The following EDIL3 variants were observed in gnomAD, a reference collection of about 807,000 sequenced individuals.
EDIL3 encodes the protein EGF like and discoidin domains 3.
In EDIL3, 37 loss-of-function variants were observed where a neutral mutation model predicts 67.4. The observed-to-expected ratio is 0.55, with a 90% CI of 0.42 to 0.72. EDIL3 has a LOEUF of 0.72. EDIL3 is among the 30% of genes least tolerant of loss of function. EDIL3 has a pLI of 0.00. For missense variants in EDIL3, 527 were observed against 586.3 expected (o/e 0.90, Z 1.04); for synonymous variants, 195 against 196.3 (o/e 0.99, Z 0.05).
At chr5:84,285,841 T>A (rs559612451) in intron 1 of EDIL3, among the ~76,000 whole-genome samples, 1 of 152,166 alleles carries the variant, frequency 6.6e-6, no homozygotes, top group South Asian at 2.1e-4. Context: ...ATGGTGACTA[T>A]TCTGTCAGTG....
chr5:84,107,956 G>A (rs1176088164), intron 5 of EDIL3, among the ~76,000 whole-genome samples: 3 of 150,628 alleles, frequency 2.0e-5, no homozygotes, highest in Non-Finnish European at 4.4e-5. Context: ...TACGATAATT[G>A]TATTATAAAA....
At chr5:84,335,624 A>G (rs887956075) in intron 1 of EDIL3, among the ~76,000 whole-genome samples, 4 of 152,316 alleles carry the variant, frequency 2.6e-5, no homozygotes, top group African/African-American at 9.6e-5. Flanking sequence ...TGAATAAGCA[A>G]ATGGAGAACC....
chr5:84,073,143 A>G (rs1746773898), intron 6 of EDIL3, among the ~76,000 whole-genome samples: 1 of 152,200 alleles, frequency 6.6e-6, no homozygotes, highest in South Asian at 2.1e-4. Context: ...ACAAAATTCA[A>G]CAACTCTTCA....
At chr5:84,293,096 T>C (rs887758664) in intron 1 of EDIL3, among the ~76,000 whole-genome samples, 2 of 152,178 alleles carry the variant, frequency 1.3e-5, no homozygotes, top group South Asian at 2.1e-4. Context: ...TCCGCTACAT[T>C]CTGTTTGCTT....
intron 9 of EDIL3, among the ~76,000 whole-genome samples, chr5:84,018,728 G>A (rs759427418): frequency 6.6e-5 from 10 of 151,952 alleles, no homozygotes; most frequent in Middle Eastern, 3.2e-3. Context: ...TTGGAATTAC[G>A]AAACACCAAA....
chr5:84,291,394 A>G (rs1022224233), intron 1 of EDIL3, among the ~76,000 whole-genome samples: 2 of 152,166 alleles, frequency 1.3e-5, no homozygotes, highest in Non-Finnish European at 2.9e-5. Context: ...GACAGAGGTT[A>G]TCAGATTGAA....
intron 1 of EDIL3, among the ~76,000 whole-genome samples, chr5:84,255,778 T>C (rs956301892): frequency 4.6e-5 from 7 of 152,176 alleles, no homozygotes; most frequent in South Asian, 2.1e-4. Context: ...AAACAGTACC[T>C]AAGTGCTGGA....
chr5:83,950,181 C>T lies in EDIL3; in HGVS notation c.1294-6613G>A, dbSNP rs571292372. Among the ~76,000 whole-genome samples, 17 of 151,916 alleles carry T rather than the reference C, an allele frequency of 1.1e-4. No homozygotes were observed. The South Asian group carries it at 3.3e-3, about 30-fold the overall frequency. The stretch of plus-strand genomic sequence containing the variant: ...TGGACTCTGCCCCATATGTCTCTTC[C>T]CTTAGATGATCTGTATCCATATCCT... On this transcript the variant is annotated intron_variant, in intron 10 of 10. Transcript: ENST00000296591.
chr5:84,148,088 T>C (rs1334789280), intron 4 of EDIL3, among the ~76,000 whole-genome samples: 1 of 152,170 alleles, frequency 6.6e-6, no homozygotes, highest in African/African-American at 2.4e-5. Flanking sequence ...CTGTAAGGAT[T>C]CAATGAGGTA....
rs3836849 is a variant in EDIL3 at position 84,190,536 on chromosome 5, CATAT to C, written c.227-10019_227-10016del. On this transcript the variant is annotated intron_variant, in intron 3 of 10. Transcript: ENST00000296591. ...GACAGAGCAGAGACCAGTATTTCTA[CATAT>C]ATATATATATATGTGTGTGTGTGTG... 7.5e-3 allele frequency among the ~76,000 whole-genome samples: 1,013 copies of C among 134,948 alleles called. 14 individuals carry two copies. Among genetic ancestry groups the C allele is most frequent in the East Asian group, 0.048 (221 of 4,594 alleles). The allele number at this position is 134,948 out of a possible 152,430, so 88.5% of individuals were successfully genotyped here.
intron 1 of EDIL3, among the ~76,000 whole-genome samples, chr5:84,309,852 T>C (rs1215437591): frequency 6.6e-6 from 1 of 152,202 alleles, no homozygotes; most frequent in African/African-American, 2.4e-5. Context: ...TTTGGGTATA[T>C]ACCCAGTAAT....
At chr5:84,141,952 G>GATCAATCTATCT (rs71605902) in intron 4 of EDIL3, among the ~76,000 whole-genome samples, 2 of 108,368 alleles carry the variant, frequency 1.8e-5, no homozygotes, top group African/African-American at 7.3e-5. Context: ...TATATACATA[G>GATCAATCTATCT]ATCTATCTAT....
chr5:83,995,308 T>G (rs1745220523), intron 9 of EDIL3, among the ~76,000 whole-genome samples: 1 of 152,122 alleles, frequency 6.6e-6, no homozygotes, highest in African/African-American at 2.4e-5. Context: ...TCATCACATT[T>G]GTACATAAAC....
rs144191927 is a variant in EDIL3 at position 84,138,010 on chromosome 5, C to T, written c.356-656G>A. ...CAAAATCACATGAAACATAAAACAT[C>T]GAGCAAATTATACTACTTTCCTTGC... On this transcript the variant is annotated intron_variant, in intron 4 of 10. Coordinates refer to ENST00000296591, the MANE Select transcript of EDIL3 (RefSeq NM_005711.5). Among the ~76,000 whole-genome samples the T allele has an allele frequency of 2.0e-4, 30 of 152,290 alleles. No homozygotes were observed. In the East Asian group the frequency reaches 3.5e-3, roughly 18 times the overall value.
intron 9 of EDIL3, among the ~76,000 whole-genome samples, chr5:84,015,242 A>G (rs1052324335): frequency 6.6e-6 from 1 of 152,206 alleles, no homozygotes; most frequent in Non-Finnish European, 1.5e-5. Flanking sequence ...AAGAGCAGCT[A>G]TATCACAATA....
chr5:84,103,611 A>G (rs909605295), intron 6 of EDIL3, among the ~76,000 whole-genome samples: 2 of 152,210 alleles, frequency 1.3e-5, no homozygotes, highest in South Asian at 4.1e-4. Flanking sequence ...CAATCATAGG[A>G]AAAAAACCCT....
intron 2 of EDIL3, among the ~76,000 whole-genome samples, chr5:84,237,430 G>T (rs1460808314): frequency 6.6e-6 from 1 of 152,050 alleles, no homozygotes; most frequent in Non-Finnish European, 1.5e-5. Context: ...GTTAAGGTTT[G>T]CATTAGAAAA....
intron 5 of EDIL3, 94 bp from the exon 6 acceptor site, chr5:84,106,924 T>C (rs1290070247): frequency 2.2e-6 from 3 of 1,366,546 alleles, no homozygotes; most frequent in African/African-American, 2.9e-5. Context: ...TTTAAATGAT[T>C]TGAATTTGCA....
chr5:84,305,914 A>ATAGATAGATAG (rs1554041200), intron 1 of EDIL3, among the ~76,000 whole-genome samples: 10 of 147,306 alleles, frequency 6.8e-5, no homozygotes, highest in Non-Finnish European at 1.5e-4. Context: ...TAAATAAATA[A>ATAGATAGATAG]ATAAATAGAT....
Sources: gnomAD v4.1 joint callset for allele counts (sites outside exome capture counted in the v4.1 genomes callset) on GRCh38, gnomAD v4.1.1 for gene constraint, MANE v1.5 for transcripts, NCBI Gene and HGNC (gene_info 2026-07-23, HGNC 2026-07-21) for gene names.